ZNF418: variants seen among roughly 807,000 people sequenced by gnomAD.
ZNF418 encodes the protein zinc finger protein 418.
In ZNF418, 32 loss-of-function variants were observed where a neutral mutation model predicts 32.0. The ratio of observed to expected loss-of-function variants is 1.00; its 90% CI spans 0.75 to 1.34. The LOEUF (loss-of-function observed/expected upper bound fraction) is 1.34. ZNF418 is among the 40% of genes most tolerant of loss of function. The pLI is 0.00. For synonymous variants in ZNF418, 276 were observed against 270.7 expected (o/e 1.02, Z -0.19); for missense variants, 804 against 812.5 (o/e 0.99, Z 0.13).
rs1217847100 is a variant in ZNF418, at chr19:57,927,658, G to C, written c.523C>G (p.Leu175Val). ...GKDFLPSSGL[L>V]LQEATHTGEK... ...CCAGTGTGAGTGGCCTCCTGCAGCA[G>C]TAATCCTGAGCTGGGCAAAAAGTCC... Residue 175 changes from leucine (L) to valine (V), a missense_variant, in exon 4 of 6, where the codon CTG becomes GTG. Physicochemically the swap from Leu to Val is conservative, Grantham distance 32. Transcript: ENST00000396147. 1 of 1,614,108 alleles carries C rather than the reference G, an allele frequency of 6.2e-7. No homozygotes were observed. Among genetic ancestry groups the C allele is most frequent in the Admixed American group, 1.7e-5 (1 of 60,022 alleles).
At position 57,935,236 on chromosome 19, in the gene ZNF418, G is replaced by C; in HGVS notation, c.-156C>G. 1.6e-6 allele frequency: 2 copies of C among 1,224,658 alleles called. No homozygotes were observed. The highest frequency in any genetic ancestry group is 2.1e-6 in the Non-Finnish European group (2 of 967,094). 75.9% of individuals were successfully genotyped at this position (1,224,658 alleles called of 1,614,324 possible). On this transcript the variant is annotated 5_prime_UTR_variant, in exon 1 of 6. Transcript: ENST00000396147. The stretch of plus-strand genomic sequence containing the variant: ...AGCACTGCCGGGAGCGGCGGGCGCC[G>C]TTACGGGGCCTAAGATCTGCCTCTG...
intron 2 of ZNF418, among the ~76,000 whole-genome samples, chr19:57,931,955 C>A (rs1247208844): frequency 2.6e-5 from 4 of 152,318 alleles, no homozygotes; most frequent in African/African-American, 9.6e-5. Context: ...GTTGGGGAAA[C>A]AATTGACACC....
chr19:57,931,933 T>C (rs2072503984), intron 2 of ZNF418, among the ~76,000 whole-genome samples: 2 of 152,270 alleles, frequency 1.3e-5, no homozygotes, highest in African/African-American at 4.8e-5. Context: ...ATTCTCCCCT[T>C]AGGGTTATAG....
intron 1 of ZNF418, 43 bp downstream of exon 1, chr19:57,935,118 G>C: frequency 1.6e-6 from 2 of 1,277,334 alleles, no homozygotes; most frequent in South Asian, 3.1e-5. Flanking sequence ...TTCAGGATTC[G>C]GGTTAGGATG....
At chr19:57,930,032 G>A (rs1452266130) in intron 3 of ZNF418, among the ~76,000 whole-genome samples, 1 of 152,224 alleles carries the variant, frequency 6.6e-6, no homozygotes, top group Non-Finnish European at 1.5e-5. Flanking sequence ...TATGTAGGCA[G>A]TGACAACGGG....
At chr19:57,934,879 CAGG>C (rs1438595706) in intron 1 of ZNF418, 3 of 501,274 alleles carry the variant, frequency 6.0e-6, no homozygotes, top group Non-Finnish European at 6.3e-6. Flanking sequence ...CCTGCTCTTC[CAGG>C]AGAAGCTTCG....
In ZNF418 at chr19:57,927,665, TG is replaced by T; in HGVS notation, c.515del (p.Ser172Ter). 6.2e-7 allele frequency: 1 copy of T among 1,614,152 alleles called. No homozygotes were observed. ...IQSGKDFLPS[S>X]GLLLQEATHT... Reference sequence around the variant, plus strand: ...GAGTGGCCTCCTGCAGCAGTAATCCTGAGCTGGGCAAAAAGTCCTTTCCACT... The same window carrying T: ...GAGTGGCCTCCTGCAGCAGTAATCCTAGCTGGGCAAAAAGTCCTTTCCACT... On this transcript the variant is annotated frameshift_variant, in exon 4 of 6. Transcript: ENST00000396147. LOFTEE classifies it high-confidence loss of function.
chr19:57,934,566 A>G (rs1423306314), intron 1 of ZNF418, among the ~76,000 whole-genome samples: 15 of 152,102 alleles, frequency 9.9e-5, no homozygotes, highest in Admixed American at 9.2e-4. Flanking sequence ...TCTGAGGGGA[A>G]AGCAGACGTT....
rs2072317242 is a variant in ZNF418 at position 57,927,932 on chromosome 19, A to T, written c.249T>A (p.Ser83=). The change falls in exon 4 of 6, where the codon TCT becomes TCA. Residue 83 remains serine (S), a synonymous_variant. Coordinates refer to ENST00000396147, the MANE Select transcript of ZNF418 (RefSeq NM_133460.3). ...GAGVSPKKAH[S]CEMCGAILGD... ...CCAAGATCGCGCCACACATTTCACA[A>T]GAGTGGGCCTTCTTGGGAGACACAC... The T allele has an allele frequency of 6.2e-7, 1 of 1,613,912 alleles. No individual in the cohort carries two copies.
intron 2 of ZNF418, among the ~76,000 whole-genome samples, chr19:57,931,156 G>A (rs1214441515): frequency 1.3e-5 from 2 of 152,162 alleles, no homozygotes; most frequent in Admixed American, 6.5e-5. Flanking sequence ...ATAAAGCCCA[G>A]TGCAGTTGCC....
At position 57,922,010 on chromosome 19, in the gene ZNF418, C is replaced by T. The variant is rs992291918; in HGVS notation, c.*1245G>A. On this transcript the variant is annotated 3_prime_UTR_variant, in exon 6 of 6. Transcript: ENST00000396147. The stretch of plus-strand genomic sequence containing the variant: ...TATAGTATTTTCACTTATCACCCTC[C>T]GCCTAGCTCAAAACAAAGGGCCTCA... 5.9e-5 allele frequency: 9 copies of T among 152,260 alleles called. No individual in the cohort carries two copies. The highest frequency in any genetic ancestry group is 1.9e-4 in the East Asian group (1 of 5,198). 9.4% of individuals were successfully genotyped at this position (152,260 alleles called of 1,614,324 possible). A position where few individuals can be genotyped will look rare whatever the true frequency, so the allele number is the denominator to read the frequency against.
Position 57,927,872 on chromosome 19 carries a change from T to A in ZNF418, c.309A>T (p.Thr103=). 3 of 1,614,134 alleles carry A rather than the reference T, an allele frequency of 1.9e-6. No homozygotes were observed. The highest frequency in any genetic ancestry group is 2.5e-6 in the Non-Finnish European group (3 of 1,180,002). The change falls in exon 4 of 6, where the codon ACA becomes ACT. Residue 103 remains threonine, a synonymous_variant. Transcript: ENST00000396147. The part of the protein sequence containing the change: ...DILHLADHQG[T]HHKQKLHRCE... ...ACCTGTGCAGTTTCTGCTTGTGATGTGTCCCCTGATGATCTGCCAAGTGCA... is the reference window on the plus strand; with the variant it reads ...ACCTGTGCAGTTTCTGCTTGTGATGAGTCCCCTGATGATCTGCCAAGTGCA...
At chr19:57,929,291 T>A (rs192831872) in intron 3 of ZNF418, among the ~76,000 whole-genome samples, 1 of 152,008 alleles carries the variant, frequency 6.6e-6, no homozygotes, top group Admixed American at 6.6e-5. Flanking sequence ...TTGAAGAAAA[T>A]CTCGAACTCA....
chr19:57,930,387 G>A (rs2122958866), intron 3 of ZNF418, 41 bp downstream of exon 3: 1 of 1,613,582 alleles, frequency 6.2e-7, no homozygotes, highest in Non-Finnish European at 8.5e-7. Flanking sequence ...GGGAAGGGCA[G>A]AGATCTATTC....
Position 57,927,851 on chromosome 19 carries a change from G to A in ZNF418, c.330C>T (p.His110=). Residue 110 remains histidine, a synonymous_variant, in exon 4 of 6, where the codon CAC becomes CAT. Coordinates refer to ENST00000396147, the MANE Select transcript of ZNF418 (RefSeq NM_133460.3). ...ATTTATTCCCCCATGCCTCACACCT[G>A]TGCAGTTTCTGCTTGTGATGTGTCC... ...HQGTHHKQKL[H]RCEAWGNKLY... 1.2e-6 allele frequency: 2 copies of A among 1,614,024 alleles called. No individual in the cohort carries two copies. The highest frequency in any genetic ancestry group is 1.7e-6 in the Non-Finnish European group (2 of 1,179,968).
intron 2 of ZNF418, among the ~76,000 whole-genome samples, chr19:57,932,850 C>G (rs762431396): frequency 2.6e-5 from 4 of 151,996 alleles, no homozygotes; most frequent in South Asian, 2.1e-4. Context: ...CAGCCTTGGC[C>G]CAAGTGTCAT....
chr19:57,926,580 C>T lies in ZNF418; in HGVS notation c.1601G>A (p.Gly534Glu). 1.2e-6 allele frequency: 2 copies of T among 1,614,040 alleles called. No homozygotes were observed. The highest frequency in any genetic ancestry group is 1.7e-6 in the Non-Finnish European group (2 of 1,180,016). ...SLLRHRRVHT[G>E]ERPYECGECG... ...TTCTCCACATTCATAAGGCCTTTCTCCAGTATGAACTCTCCGATGTCGAAG... is the reference window on the plus strand; with the variant it reads ...TTCTCCACATTCATAAGGCCTTTCTTCAGTATGAACTCTCCGATGTCGAAG... The change falls in exon 4 of 6, where the codon GGA (glycine) becomes GAA (glutamate). Residue 534 changes from glycine (G) to glutamate (E), a missense_variant. Physicochemically the swap from Gly to Glu is moderately conservative, Grantham distance 98. This residue lies in a region of ZNF418 where 475 missense variants were observed against 458.6 expected (regional missense o/e 1.04). Coordinates refer to ENST00000396147, the MANE Select transcript of ZNF418 (RefSeq NM_133460.3).
chr19:57,924,599 A>G (rs561450893), intron 4 of ZNF418, among the ~76,000 whole-genome samples: 2 of 152,298 alleles, frequency 1.3e-5, no homozygotes, highest in East Asian at 3.9e-4. Flanking sequence ...ATAAATGCAG[A>G]AATTCTATAA....
intron 2 of ZNF418, among the ~76,000 whole-genome samples, chr19:57,930,798 G>C (rs2072455034): frequency 6.6e-6 from 1 of 152,062 alleles, no homozygotes; most frequent in Non-Finnish European, 1.5e-5. Flanking sequence ...GTTTTTCTGA[G>C]ACAGAGTCTC....
Sources: gnomAD v4.1 joint callset for allele counts (sites outside exome capture counted in the v4.1 genomes callset) on GRCh38, gnomAD v4.1.1 for gene constraint, gnomAD v4.1.1 regional missense constraint, MANE v1.5 for transcripts, NCBI Gene and HGNC (gene_info 2026-07-23, HGNC 2026-07-21) for gene names.